ST3GAL2: variants seen among roughly 807,000 people sequenced by gnomAD.
ST3GAL2 encodes the protein ST3 beta-galactoside alpha-2,3-sialyltransferase 2.
Under a neutral mutation model 37.5 loss-of-function variants are expected in ST3GAL2, and 16 were observed. The ratio of observed to expected loss-of-function variants is 0.43; its 90% CI spans 0.29 to 0.65. ST3GAL2 has a LOEUF of 0.65. Ranked by LOEUF, ST3GAL2 falls within the 30% of genes least tolerant of loss-of-function variation. The pLI is 0.17. For synonymous variants in ST3GAL2, 238 were observed against 202.9 expected (o/e 1.17, Z -1.47); for missense variants, 383 against 487.8 (o/e 0.79, Z 2.02).
In ST3GAL2 at chr16:70,398,735, CCT is replaced by C. The variant is rs926338466; in HGVS notation, c.-207_-206del. ...CGTTGGCAGGAGTGGCTGTCCTGTC[CCT>C]GAGTCAGGCGGGGCCCCTGCTTAGG... On this transcript the variant is annotated 5_prime_UTR_variant, in exon 2 of 7. Transcript: ENST00000342907. 4.9e-6 allele frequency: 3 copies of C among 611,564 alleles called. No individual in the cohort carries two copies. The highest frequency in any genetic ancestry group is 1.8e-5 in the African/African-American group (1 of 54,228). 37.9% of individuals were successfully genotyped at this position (611,564 alleles called of 1,614,324 possible). A position where few individuals can be genotyped will look rare whatever the true frequency, so the allele number is the denominator to read the frequency against.
intron 1 of ST3GAL2, chr16:70,399,767 A>G (rs2151664526): frequency 4.0e-6 from 1 of 249,324 alleles, no homozygotes; most frequent in East Asian, 7.4e-5. Context: ...CAGAAGGTAA[A>G]CGAGTCAAGT....
intron 1 of ST3GAL2, chr16:70,400,709 G>A (rs1012127189): frequency 3.9e-5 from 6 of 152,282 alleles, no homozygotes; most frequent in African/African-American, 1.4e-4. Flanking sequence ...AGGTCACGAC[G>A]TTGTGAGTGG....
chr16:70,379,465 C>G lies in ST3GAL2; in HGVS notation c.*2224G>C, dbSNP rs1196842333. ...TCAGTCACAGCTATCCTACCAGACC[C>G]GCCTTCTTCCATCATGCCCATTTCA... is the stretch of plus-strand genomic sequence containing the variant. On this transcript the variant is annotated 3_prime_UTR_variant, in exon 7 of 7. Coordinates refer to ENST00000342907, the MANE Select transcript of ST3GAL2 (RefSeq NM_006927.4). 6.6e-6 allele frequency: 1 copy of G among 152,184 alleles called. No individual in the cohort carries two copies. Among genetic ancestry groups the G allele is most frequent in the Non-Finnish European group, 1.5e-5 (1 of 68,048 alleles). The allele number at this position is 152,184 out of a possible 1,614,324, so 9.4% of individuals were successfully genotyped here. A position where few individuals can be genotyped will look rare whatever the true frequency, so the allele number is the denominator to read the frequency against.
chr16:70,398,115 G>T, intron 2 of ST3GAL2, 77 bp downstream of exon 2: 3 of 1,478,904 alleles, frequency 2.0e-6, no homozygotes, highest in Non-Finnish European at 2.8e-6. Flanking sequence ...GGCTCTGGGG[G>T]CCAGAAATCC....
At chr16:70,432,824 G>A (rs1399193684) in intron 1 of ST3GAL2, among the ~76,000 whole-genome samples, 7 of 152,222 alleles carry the variant, frequency 4.6e-5, no homozygotes, top group Admixed American at 3.3e-4. Context: ...GACGGAAGCT[G>A]GGACACAGGA....
At chr16:70,413,686 A>C (rs1449316236) in intron 1 of ST3GAL2, among the ~76,000 whole-genome samples, 1 of 149,190 alleles carries the variant, frequency 6.7e-6, no homozygotes, top group Non-Finnish European at 1.5e-5. Context: ...CAGTGAGTAG[A>C]GATCATGCCA....
At chr16:70,421,038 C>A (rs1261717308) in intron 1 of ST3GAL2, among the ~76,000 whole-genome samples, 1 of 152,236 alleles carries the variant, frequency 6.6e-6, no homozygotes, top group Non-Finnish European at 1.5e-5. Context: ...CCAGCACCAA[C>A]CCTGCAGGTG....
At chr16:70,405,676 T>G (rs1216991324) in intron 1 of ST3GAL2, among the ~76,000 whole-genome samples, 1 of 151,662 alleles carries the variant, frequency 6.6e-6, no homozygotes, top group African/African-American at 2.4e-5. Flanking sequence ...TGCCAGGGGC[T>G]GGAGGATAGA....
chr16:70,381,781 G>A lies in ST3GAL2; in HGVS notation c.961C>T (p.Arg321Trp). Residue 321 changes from arginine (R) to tryptophan (W), a missense_variant, in exon 7 of 7, where the codon CGG (arginine) becomes TGG (tryptophan). By Grantham distance (101) the Arg-to-Trp change is moderately radical. Coordinates refer to ENST00000342907, the MANE Select transcript of ST3GAL2 (RefSeq NM_006927.4). The part of the protein sequence containing the change: ...WENNRYAGEF[R>W]KTGVHDADFE... ...TCCGCGTCGTGCACGCCAGTCTTCC[G>A]GAACTCGCCCGCGTACCGGTTGTTC... 6.2e-7 allele frequency: 1 copy of A among 1,614,110 alleles called. No individual in the cohort carries two copies. The highest frequency in any genetic ancestry group is 8.5e-7 in the Non-Finnish European group (1 of 1,179,968).
At chr16:70,422,808 C>T (rs1385218568) in intron 1 of ST3GAL2, 1 of 152,172 alleles carries the variant, frequency 6.6e-6, no homozygotes, top group Non-Finnish European at 1.5e-5. Context: ...GGCTCAAAGC[C>T]CAAAGCACGC....
intron 1 of ST3GAL2, among the ~76,000 whole-genome samples, chr16:70,426,539 T>C (rs1246494827): frequency 2.0e-5 from 3 of 149,190 alleles, no homozygotes; most frequent in African/African-American, 7.5e-5. Flanking sequence ...GAGACAGAGT[T>C]TCACTCTTGT....
At position 70,411,514 on chromosome 16, in the gene ST3GAL2, C is replaced by T. The variant is rs188457359; in HGVS notation, c.-1003-11981G>A. Among the ~76,000 whole-genome samples the T allele has an allele frequency of 1.5e-4, 23 of 152,214 alleles. No individual in the cohort carries two copies. In the East Asian group the frequency reaches 4.2e-3, roughly 28 times the overall value. ...GGAGCTATGGCAGCCATCTCACGAC[C>T]ATGAGAGACATCTTGCACCCTCGTA... On this transcript the variant is annotated intron_variant, in intron 1 of 6. Transcript: ENST00000342907.
intron 6 of ST3GAL2, 32 bp downstream of exon 6, chr16:70,382,773 G>T (rs1033630764): frequency 6.2e-7 from 1 of 1,613,242 alleles, no homozygotes; most frequent in Non-Finnish European, 8.5e-7. Context: ...TGTTCCATGG[G>T]TTCCCACCAC....
chr16:70,391,347 T>C (rs1431413547), intron 3 of ST3GAL2, among the ~76,000 whole-genome samples: 1 of 152,188 alleles, frequency 6.6e-6, no homozygotes, highest in Non-Finnish European at 1.5e-5. Context: ...GAAACTAACA[T>C]GCTCTGTCTC....
At chr16:70,428,235 G>T (rs183607651) in intron 1 of ST3GAL2, among the ~76,000 whole-genome samples, 5 of 152,216 alleles carry the variant, frequency 3.3e-5, no homozygotes, top group African/African-American at 7.2e-5. Context: ...GATGGGAAAG[G>T]GAGCTGGTGG....
chr16:70,400,708 C>T (rs1567670117), intron 1 of ST3GAL2: 1 of 152,260 alleles, frequency 6.6e-6, no homozygotes, highest in Non-Finnish European at 1.5e-5. Flanking sequence ...AAGGTCACGA[C>T]GTTGTGAGTG....
At chr16:70,430,907 A>T (rs1212333193) in intron 1 of ST3GAL2, among the ~76,000 whole-genome samples, 3 of 151,872 alleles carry the variant, frequency 2.0e-5, no homozygotes, top group African/African-American at 7.3e-5. Flanking sequence ...AGAAACTTTC[A>T]CTTCCCCCTG....
chr16:70,415,900 T>C (rs2047673948), intron 1 of ST3GAL2, among the ~76,000 whole-genome samples: 3 of 151,052 alleles, frequency 2.0e-5, no homozygotes, highest in Admixed American at 1.3e-4. Context: ...CTCAGCCTCC[T>C]GAGTAGCTGG....
intron 1 of ST3GAL2, among the ~76,000 whole-genome samples, chr16:70,426,491 C>T (rs2047752424): frequency 6.6e-6 from 1 of 151,130 alleles, no homozygotes; most frequent in Non-Finnish European, 1.5e-5. Context: ...TGAGCCACCA[C>T]ACCCGGCCCT....
Sources: allele counts gnomAD v4.1 joint callset (sites outside exome capture counted in the v4.1 genomes callset), GRCh38; gene constraint gnomAD v4.1.1; transcripts MANE v1.5; gene names NCBI Gene and HGNC (gene_info 2026-07-23, HGNC 2026-07-21).